The following PSMA8 variants were observed in gnomAD, a reference collection of about 807,000 sequenced individuals.
PSMA8 encodes the protein proteasome 20S subunit alpha 8.
In PSMA8, 18 loss-of-function variants were observed where a neutral mutation model predicts 32.4. That is an observed-to-expected ratio of 0.56 (90% CI 0.38 to 0.82). The LOEUF is 0.82. Ranked by LOEUF, PSMA8 falls within the 40% of genes least tolerant of loss-of-function variation. The pLI is 0.00. For missense variants in PSMA8, 298 were observed against 300.7 expected (o/e 0.99, Z 0.07); for synonymous variants, 104 against 98.1 (o/e 1.06, Z -0.36).
chr18:26,140,089 G>A (rs2054943099), intron 1 of PSMA8: 1 of 703,024 alleles, frequency 1.4e-6, no homozygotes, highest in Non-Finnish European at 2.6e-6. Context: ...GCCTGGCATG[G>A]ATGTCTGCAC....
At chr18:26,136,654 T>C (rs2077476233) in intron 1 of PSMA8, among the ~76,000 whole-genome samples, 1 of 152,226 alleles carries the variant, frequency 6.6e-6, no homozygotes, top group South Asian at 2.1e-4. Context: ...TTATAATCTG[T>C]ACCACAGAAT....
At chr18:26,154,634 A>T (rs2055072367) in intron 3 of PSMA8, among the ~76,000 whole-genome samples, 1 of 151,858 alleles carries the variant, frequency 6.6e-6, no homozygotes, top group African/African-American at 2.4e-5. Flanking sequence ...GTTTGTTTTG[A>T]GATGGAGTCT....
At chr18:26,147,585 A>G (rs2055014246) in intron 2 of PSMA8, among the ~76,000 whole-genome samples, 1 of 152,224 alleles carries the variant, frequency 6.6e-6, no homozygotes, top group Admixed American at 6.5e-5. Context: ...AGTAGAAAGA[A>G]GTAATAAATC....
In PSMA8 at chr18:26,144,569, G is replaced by A. The variant is rs369017941; in HGVS notation, c.113G>A (p.Arg38Gln). Residue 38 changes from arginine (R) to glutamine (Q), a missense_variant, in exon 2 of 7, where the codon CGA (arginine) becomes CAA (glutamine). Physicochemically the swap from Arg to Gln is conservative, Grantham distance 43 (BLOSUM62 1). Transcript: ENST00000415576. ...VKKGSTAVGI[R>Q]GTNIVVLGVE... is the part of the protein sequence containing the mutation. ...TTAATGACTTGACAGGTCGGAATTC[G>A]AGGTACCAATATAGTTGTTCTTGGG... is the stretch of plus-strand genomic sequence containing the variant. The A allele has an allele frequency of 2.7e-5, 44 of 1,612,492 alleles. No individual in the cohort carries two copies. The highest frequency in any genetic ancestry group is 2.3e-4 in the African/African-American group (17 of 74,838).
chr18:26,191,988 AAAT>A (rs1162972100), intron 6 of PSMA8, among the ~76,000 whole-genome samples: 2 of 152,240 alleles, frequency 1.3e-5, no homozygotes, highest in Non-Finnish European at 2.9e-5. Flanking sequence ...TGGGAGAGTT[AAAT>A]AATGAGTCTT....
In PSMA8 at chr18:26,170,571, G is replaced by A. The variant is rs1341325186; in HGVS notation, c.478-8259G>A. Reference sequence around the variant, plus strand: ...TTATAGCAAGAATGTCTCATAAATGGTATCTGATAGAGACAAGAGTAGTGG... The same window carrying A: ...TTATAGCAAGAATGTCTCATAAATGATATCTGATAGAGACAAGAGTAGTGG... On this transcript the variant is annotated intron_variant, in intron 4 of 6. Coordinates refer to ENST00000415576, the MANE Select transcript of PSMA8 (RefSeq NM_001025096.2). 3.9e-5 allele frequency among the ~76,000 whole-genome samples: 5 copies of A among 129,534 alleles called. 1 individual carries two copies. Among genetic ancestry groups the A allele is most frequent in the African/African-American group, 1.3e-4 (3 of 23,226 alleles). 85.0% of individuals were successfully genotyped at this position (129,534 alleles called of 152,430 possible).
chr18:26,136,908 A>T (rs1285235418), intron 1 of PSMA8, among the ~76,000 whole-genome samples: 1 of 152,152 alleles, frequency 6.6e-6, no homozygotes, highest in African/African-American at 2.4e-5. Flanking sequence ...CCCTTTTATT[A>T]TGTGTGAAAC....
At chr18:26,142,103 G>A (rs984425838) in intron 1 of PSMA8, among the ~76,000 whole-genome samples, 1 of 142,334 alleles carries the variant, frequency 7.0e-6, no homozygotes, top group Non-Finnish European at 1.5e-5. Context: ...GCAGTGGCAC[G>A]ATCTTGGCTC....
intron 3 of PSMA8, among the ~76,000 whole-genome samples, chr18:26,156,265 A>G (rs1458133984): frequency 1.3e-5 from 2 of 152,222 alleles, no homozygotes; most frequent in African/African-American, 4.8e-5. Flanking sequence ...ACTATTATAG[A>G]AGTAGAACTA....
At chr18:26,155,405 A>G (rs1451962998) in intron 3 of PSMA8, among the ~76,000 whole-genome samples, 1 of 152,220 alleles carries the variant, frequency 6.6e-6, no homozygotes, top group Non-Finnish European at 1.5e-5. Context: ...AAATCAAAAT[A>G]TATTCAGAGA....
intron 6 of PSMA8, among the ~76,000 whole-genome samples, 165 bp from the exon 7 acceptor site, chr18:26,192,154 A>G (rs899264605): frequency 4.6e-5 from 7 of 152,198 alleles, no homozygotes; most frequent in African/African-American, 1.4e-4. Context: ...CATAATTGTT[A>G]TTGCTCTTAG....
At chr18:26,169,050 C>T (rs1408021145) in intron 4 of PSMA8, among the ~76,000 whole-genome samples, 3 of 131,402 alleles carry the variant, frequency 2.3e-5, no homozygotes, top group Non-Finnish European at 4.5e-5. Context: ...GGCACAATCA[C>T]GACTCACTGC....
chr18:26,164,894 G>A lies in PSMA8; in HGVS notation c.477+6650G>A, dbSNP rs149560047. The stretch of plus-strand genomic sequence containing the variant: ...TTGTTGAGGGGGGAGGGTTGTTGGA[G>A]TTTTTGGTTTTTTTGTTTTGTTTTG... On this transcript the variant is annotated intron_variant, in intron 4 of 6. Transcript: ENST00000415576. Among the ~76,000 whole-genome samples, 802 of 151,994 alleles carry A rather than the reference G, an allele frequency of 5.3e-3. 7 individuals carry two copies. Among genetic ancestry groups the A allele is most frequent in the African/African-American group, 0.018 (767 of 41,472 alleles).
rs1262326643 is a variant in PSMA8, at chr18:26,151,447, G to A, written c.230-411G>A. ...TTTGTTATTGCAAGAGCAAGGTCAA[G>A]TGTTTTCTATTTTAGCATTCTTCAT... On this transcript the variant is annotated intron_variant, in intron 2 of 6. Coordinates refer to ENST00000415576, the MANE Select transcript of PSMA8 (RefSeq NM_001025096.2). Among the ~76,000 whole-genome samples the A allele has an allele frequency of 2.6e-5, 4 of 152,244 alleles. No individual in the cohort carries two copies. The East Asian group carries it at 7.7e-4, about 29-fold the overall frequency.
At chr18:26,146,795 C>T (rs1166369198) in intron 2 of PSMA8, among the ~76,000 whole-genome samples, 2 of 152,012 alleles carry the variant, frequency 1.3e-5, no homozygotes, top group Non-Finnish European at 2.9e-5. Context: ...TAAAGAAACA[C>T]CTGAAAAACA....
chr18:26,177,443 C>A, intron 4 of PSMA8, among the ~76,000 whole-genome samples: 1 of 152,128 alleles, frequency 6.6e-6, no homozygotes, highest in East Asian at 1.9e-4. Flanking sequence ...AGTAACAGTA[C>A]CTATTTAATC....
chr18:26,156,635 T>C (rs2144303333), intron 3 of PSMA8, among the ~76,000 whole-genome samples: 1 of 149,630 alleles, frequency 6.7e-6, no homozygotes, highest in Non-Finnish European at 1.5e-5. Context: ...GAGAATAGCA[T>C]ACTGTGTGTG....
chr18:26,180,033 T>C (rs1032062727), intron 6 of PSMA8, among the ~76,000 whole-genome samples: 3 of 151,894 alleles, frequency 2.0e-5, no homozygotes, highest in African/African-American at 7.3e-5. Context: ...GATGGATCAC[T>C]TGAGGTCAGG....
chr18:26,145,037 G>C, intron 2 of PSMA8, among the ~76,000 whole-genome samples: 1 of 152,158 alleles, frequency 6.6e-6, no homozygotes, highest in East Asian at 1.9e-4. Context: ...ATTGACATTT[G>C]CTGAGAGTGT....
Sources: gnomAD v4.1 joint callset for allele counts (sites outside exome capture counted in the v4.1 genomes callset) on GRCh38, gnomAD v4.1.1 for gene constraint, MANE v1.5 for transcripts, NCBI Gene and HGNC (gene_info 2026-07-23, HGNC 2026-07-21) for gene names.